The following FHIT variants were observed in gnomAD, a reference collection of about 807,000 sequenced individuals.
The protein encoded by FHIT is bis(5'-adenosyl)-triphosphatase.
A neutral mutation model predicts 17.9 loss-of-function variants in FHIT; 19 were observed. That is an observed-to-expected ratio of 1.06 (90% CI 0.74 to 1.56). FHIT has a LOEUF of 1.56. Among genes scored for constraint, FHIT ranks in the 40% most tolerant of loss-of-function variants. FHIT has a pLI of 0.00. For missense variants in FHIT, 248 were observed against 189.2 expected (o/e 1.31, Z -1.82); for synonymous variants, 81 against 69.7 (o/e 1.16, Z -0.81).
chr3:60,168,512 G>C (rs1054451662), intron 5 of FHIT, among the ~76,000 whole-genome samples: 1 of 152,162 alleles, frequency 6.6e-6, no homozygotes, highest in African/African-American at 2.4e-5. Context: ...AAATGATCTT[G>C]GAGAAGCAGG....
At chr3:60,349,346 G>C (rs1710961953) in intron 5 of FHIT, among the ~76,000 whole-genome samples, 1 of 152,058 alleles carries the variant, frequency 6.6e-6, no homozygotes, top group Non-Finnish European at 1.5e-5. Context: ...TACGGATTTT[G>C]TGAGAAGGAC....
At chr3:60,505,861 TATC>T (rs1212511029) in intron 5 of FHIT, among the ~76,000 whole-genome samples, 1 of 152,198 alleles carries the variant, frequency 6.6e-6, no homozygotes, top group Non-Finnish European at 1.5e-5. Flanking sequence ...ACTTCTATAT[TATC>T]ATCATTCTTC....
chr3:59,789,130 T>C (rs930024397), intron 8 of FHIT, among the ~76,000 whole-genome samples: 3 of 152,138 alleles, frequency 2.0e-5, no homozygotes, highest in Non-Finnish European at 4.4e-5. Flanking sequence ...CAACAATCTA[T>C]CATTTTGTAA....
At chr3:60,197,918 G>A (rs775905127) in intron 5 of FHIT, among the ~76,000 whole-genome samples, 2 of 152,068 alleles carry the variant, frequency 1.3e-5, no homozygotes, top group Non-Finnish European at 2.9e-5. Context: ...CCACATTGTT[G>A]GAGGAAGATT....
At chr3:60,065,005 C>G (rs76358633) in intron 5 of FHIT, among the ~76,000 whole-genome samples, 2,051 of 152,256 alleles carry the variant, frequency 0.013, 42 homozygotes, top group African/African-American at 0.045. Flanking sequence ...ATAAACACAG[C>G]TGGCCTCAAA....
intron 1 of FHIT, among the ~76,000 whole-genome samples, chr3:61,235,061 C>T (rs144944930): frequency 6.6e-4 from 101 of 152,228 alleles, no homozygotes; most frequent in African/African-American, 2.4e-3. Flanking sequence ...ATCTTGAAAA[C>T]AATAAAAATG....
At chr3:61,187,855 T>C (rs9831193) in intron 2 of FHIT, among the ~76,000 whole-genome samples, 151,231 of 152,340 alleles carry the variant, frequency 0.99, 75,066 homozygotes, top group East Asian at 1. Flanking sequence ...GAAATGAAGG[T>C]AGAAATAAAG....
intron 5 of FHIT, among the ~76,000 whole-genome samples, chr3:60,053,345 T>G (rs1176970304): frequency 2.7e-5 from 4 of 150,314 alleles, no homozygotes; most frequent in African/African-American, 9.8e-5. Context: ...GTCAGAGACT[T>G]CTGCCTTTTG....
At chr3:60,195,762 A>T (rs1008563508) in intron 5 of FHIT, among the ~76,000 whole-genome samples, 3 of 151,350 alleles carry the variant, frequency 2.0e-5, no homozygotes, top group African/African-American at 2.4e-5. Context: ...ATTCTAAGTG[A>T]CGTAACTCAG....
intron 4 of FHIT, among the ~76,000 whole-genome samples, chr3:60,676,006 A>G (rs2040613853): frequency 6.6e-6 from 1 of 152,226 alleles, no homozygotes. Context: ...AACAATCCAA[A>G]CAAGCTGCAA....
chr3:60,181,846 A>G (rs1035055487), intron 5 of FHIT, among the ~76,000 whole-genome samples: 1 of 152,136 alleles, frequency 6.6e-6, no homozygotes, highest in Admixed American at 6.5e-5. Context: ...TTAAGTTGTT[A>G]CATGTCTGAC....
intron 8 of FHIT, among the ~76,000 whole-genome samples, chr3:59,819,125 T>A (rs1651616162): frequency 1.3e-5 from 2 of 152,236 alleles, no homozygotes; most frequent in Non-Finnish European, 2.9e-5. Context: ...TAAACATAGA[T>A]CTTTTATCGG....
At chr3:60,734,275 A>G (rs1553712049) in intron 4 of FHIT, among the ~76,000 whole-genome samples, 1 of 152,202 alleles carries the variant, frequency 6.6e-6, no homozygotes, top group Non-Finnish European at 1.5e-5. Flanking sequence ...GTTTATTTCT[A>G]TTAAGAAATA....
At chr3:60,500,834 A>C (rs2034497642) in intron 5 of FHIT, among the ~76,000 whole-genome samples, 1 of 151,098 alleles carries the variant, frequency 6.6e-6, no homozygotes, top group Admixed American at 6.6e-5. Context: ...CAGCTGGCTG[A>C]AATCATAAAG....
chr3:61,193,023 C>G (rs1435321937), intron 2 of FHIT, among the ~76,000 whole-genome samples: 1 of 152,202 alleles, frequency 6.6e-6, no homozygotes, highest in African/African-American at 2.4e-5. Flanking sequence ...CAGACATATT[C>G]AAACGCAAAA....
At position 60,796,394 on chromosome 3, in the gene FHIT, T is replaced by C. The variant is rs561963581; in HGVS notation, c.-18+25525A>G. Among the ~76,000 whole-genome samples, 345 of 152,328 alleles carry C rather than the reference T, an allele frequency of 2.3e-3. 2 individuals carry two copies. Among genetic ancestry groups the C allele is most frequent in the African/African-American group, 7.9e-3 (327 of 41,568 alleles). Reference sequence around the variant, plus strand: ...TCCTTTCTTAAGTCAGATGCGTAATTCCTTTATTTTTATTCTTTTTTAAAT... The same window carrying C: ...TCCTTTCTTAAGTCAGATGCGTAATCCCTTTATTTTTATTCTTTTTTAAAT... On this transcript the variant is annotated intron_variant, in intron 4 of 9. Coordinates refer to ENST00000492590, the MANE Select transcript of FHIT (RefSeq NM_002012.4).
intron 5 of FHIT, among the ~76,000 whole-genome samples, chr3:60,261,375 C>A (rs755852314): frequency 6.6e-6 from 1 of 151,886 alleles, no homozygotes; most frequent in Non-Finnish European, 1.5e-5. Flanking sequence ...TCGCAAGGAA[C>A]GTATTAATTT....
intron 8 of FHIT, among the ~76,000 whole-genome samples, chr3:59,878,248 C>T (rs544806122): frequency 3.9e-5 from 6 of 152,218 alleles, no homozygotes; most frequent in Admixed American, 3.3e-4. Context: ...GGTTACCTGA[C>T]AGAAGCATTT....
chr3:60,930,418 A>G (rs1707887729), intron 3 of FHIT, among the ~76,000 whole-genome samples: 2 of 152,220 alleles, frequency 1.3e-5, no homozygotes, highest in South Asian at 4.1e-4. Context: ...CTACCATCAG[A>G]GTGAACAGGC....
Sources: allele counts gnomAD v4.1 joint callset (sites outside exome capture counted in the v4.1 genomes callset), GRCh38; gene constraint gnomAD v4.1.1; transcripts MANE v1.5; gene names NCBI Gene and HGNC (gene_info 2026-07-23, HGNC 2026-07-21).